NSMAF: variants seen among roughly 807,000 people sequenced by gnomAD.
The protein encoded by NSMAF is protein FAN.
Under a neutral mutation model 134.9 loss-of-function variants are expected in NSMAF, and 90 were observed. The observed-to-expected ratio is 0.67, with a 90% CI of 0.56 to 0.79. The LOEUF (loss-of-function observed/expected upper bound fraction) is 0.79. Ranked by LOEUF, NSMAF falls within the 30% of genes least tolerant of loss-of-function variation. The probability of loss-of-function intolerance (pLI) is 0.00; values close to 1 mark genes in which losing one functional copy is unlikely to be tolerated. For synonymous variants in NSMAF, 358 were observed against 389.6 expected (o/e 0.92, Z 0.96); for missense variants, 1,010 against 1,119.0 (o/e 0.90, Z 1.39).
At position 58,599,238 on chromosome 8, in the gene NSMAF, G is replaced by A; in HGVS notation, c.1579C>T (p.His527Tyr). The A allele has an allele frequency of 6.2e-7, 1 of 1,612,752 alleles. No homozygotes were observed. The highest frequency in any genetic ancestry group is 8.5e-7 in the Non-Finnish European group (1 of 1,179,238). ...TTCAATGAATATTACATACCATTAT[G>A]GGCCCCAACTGCATCACTCCCTTTT... ...KQKGSDAVGA[H>Y]NVFHPLTYEG... The change falls in exon 19 of 31, where the codon CAT (histidine) becomes TAT (tyrosine). Residue 527 changes from histidine to tyrosine, a missense_variant. His to Tyr is a moderately conservative substitution (Grantham distance 83). Transcript: ENST00000038176.
intron 23 of NSMAF, among the ~76,000 whole-genome samples, chr8:58,592,841 C>T (rs775137765): frequency 4.0e-5 from 6 of 151,444 alleles, no homozygotes; most frequent in African/African-American, 1.5e-4. Context: ...GAGCCAAGAT[C>T]GTGCCATTGC....
chr8:58,654,995 C>T (rs917117895), intron 1 of NSMAF, among the ~76,000 whole-genome samples: 6 of 152,032 alleles, frequency 3.9e-5, no homozygotes, highest in South Asian at 4.2e-4. Flanking sequence ...CCACCACACC[C>T]GGCTAGTTTT....
rs767295419 is a variant in NSMAF at position 58,597,474 on chromosome 8, C to T, written c.1705G>A (p.Val569Met). 3.8e-5 allele frequency: 62 copies of T among 1,614,018 alleles called. No individual in the cohort carries two copies. Among genetic ancestry groups the T allele is most frequent in the Non-Finnish European group, 5.1e-5 (60 of 1,179,994 alleles). Reference protein sequence around the residue: ...EFGQTPKQLFVTPHPRRITPK... With the variant: ...EFGQTPKQLFMTPHPRRITPK... ...GTGATCCTTCGAGGATGTGGTGTCA[C>T]AAATAGTTGTTTTGGTGTCTGCCCA... The change falls in exon 21 of 31, where the codon GTG (valine) becomes ATG (methionine). Residue 569 changes from valine to methionine, a missense_variant. Coordinates refer to ENST00000038176, the MANE Select transcript of NSMAF (RefSeq NM_003580.4).
intron 14 of NSMAF, 42 bp from the exon 15 acceptor site, chr8:58,601,577 C>A: frequency 1.3e-6 from 2 of 1,552,152 alleles, no homozygotes; most frequent in Non-Finnish European, 8.6e-7. Context: ...TAAGTGTTGG[C>A]TATGAAATAA....
intron 1 of NSMAF, among the ~76,000 whole-genome samples, chr8:58,646,215 A>C (rs559851003): frequency 1.3e-5 from 2 of 152,364 alleles, no homozygotes; most frequent in South Asian, 4.1e-4. Context: ...GCCAGAGTGC[A>C]AAACAAAATG....
At position 58,655,723 on chromosome 8, in the gene NSMAF, C is replaced by T. The variant is rs531993588; in HGVS notation, c.59+3850G>A. ...GAGATCGAGACCATCCTGGCTAACA[C>T]GGTGAAACTCCGTCTCTACTAAAAA... On this transcript the variant is annotated intron_variant, in intron 1 of 30. Transcript: ENST00000038176. 7.2e-5 allele frequency among the ~76,000 whole-genome samples: 11 copies of T among 151,840 alleles called. 1 individual carries two copies. Among genetic ancestry groups the T allele is most frequent in the Admixed American group, 4.6e-4 (7 of 15,274 alleles).
intron 1 of NSMAF, chr8:58,659,304 G>T (rs201696180): frequency 1.3e-6 from 2 of 1,525,536 alleles, no homozygotes; most frequent in East Asian, 2.6e-5. Context: ...CGGATAGCTC[G>T]GCATGCCTCG....
At chr8:58,652,305 C>T (rs1051912867) in intron 1 of NSMAF, among the ~76,000 whole-genome samples, 3 of 152,156 alleles carry the variant, frequency 2.0e-5, no homozygotes, top group Admixed American at 6.5e-5. Context: ...GAGAAGGTGG[C>T]CTCCTGCAAA....
In NSMAF at chr8:58,632,921, C is replaced by T. The variant is rs561039344; in HGVS notation, c.334-1375G>A. 2.0e-5 allele frequency among the ~76,000 whole-genome samples: 3 copies of T among 152,300 alleles called. No homozygotes were observed. In the East Asian group the frequency reaches 5.8e-4, roughly 29 times the overall value. On this transcript the variant is annotated intron_variant, in intron 5 of 30. Transcript: ENST00000038176. ...GACTGTTCCCTTTTATACCCTGCGA[C>T]CAATCCGTCAGCACATCTGTTGGGT...
intron 11 of NSMAF, among the ~76,000 whole-genome samples, chr8:58,607,169 C>G (rs569464428): frequency 1.3e-3 from 205 of 152,236 alleles, no homozygotes; most frequent in African/African-American, 4.5e-3. Context: ...CTATTGGTGT[C>G]GAATTAAAAC....
chr8:58,600,621 C>CAAAAAAA (rs35209612), intron 16 of NSMAF, among the ~76,000 whole-genome samples: 21 of 44,684 alleles, frequency 4.7e-4, no homozygotes, highest in African/African-American at 1.4e-3. Flanking sequence ...GACTCTGTCT[C>CAAAAAAA]AAAAAAAAAA....
At chr8:58,654,441 T>G (rs1435716542) in intron 1 of NSMAF, among the ~76,000 whole-genome samples, 1 of 152,096 alleles carries the variant, frequency 6.6e-6, no homozygotes, top group Non-Finnish European at 1.5e-5. Flanking sequence ...TCTCAGCTAC[T>G]TGGGAGGCTG....
At chr8:58,609,801 G>A in intron 9 of NSMAF, 68 bp from the exon 10 acceptor site, 1 of 1,469,148 alleles carries the variant, frequency 6.8e-7, no homozygotes, top group South Asian at 1.2e-5. Flanking sequence ...GTTTATCTAA[G>A]GGAGCTACAG....
At position 58,583,679 on chromosome 8, in the gene NSMAF, G is replaced by A. The variant is rs1187718578; in HGVS notation, c.*427C>T. On this transcript the variant is annotated 3_prime_UTR_variant, in exon 31 of 31. Transcript: ENST00000038176. Reference sequence around the variant, plus strand: ...CTATGAAAACACACACCCAAAACCCGATGGGTGGCAATTGTGATAGATTAG... The same window carrying A: ...CTATGAAAACACACACCCAAAACCCAATGGGTGGCAATTGTGATAGATTAG... The A allele has an allele frequency of 2.3e-5, 5 of 219,198 alleles. No homozygotes were observed. Among genetic ancestry groups the A allele is most frequent in the South Asian group, 6.2e-5 (1 of 16,086 alleles). 13.6% of individuals were successfully genotyped at this position (219,198 alleles called of 1,614,324 possible). A position where few individuals can be genotyped will look rare whatever the true frequency, so the allele number is the denominator to read the frequency against.
Position 58,599,355 on chromosome 8 carries a change from C to G in NSMAF, c.1462G>C (p.Asp488His), listed in dbSNP as rs1806220177. ...GCATCTTTGCTCTTCTGGAGAAAGT[C>G]CTCGGGACCTATTAGATTAGACTCA... is the stretch of plus-strand genomic sequence containing the variant. Reference protein sequence around the residue: ...ELPPWASSPEDFLQKSKDALE... With the variant: ...ELPPWASSPEHFLQKSKDALE... Residue 488 changes from aspartate to histidine, a missense_variant, in exon 19 of 31, where the codon GAC becomes CAC. Coordinates refer to ENST00000038176, the MANE Select transcript of NSMAF (RefSeq NM_003580.4). 6.2e-7 allele frequency: 1 copy of G among 1,613,774 alleles called. No individual in the cohort carries two copies. The highest frequency in any genetic ancestry group is 1.3e-5 in the African/African-American group (1 of 75,014).
intron 4 of NSMAF, 36 bp from the exon 5 acceptor site, chr8:58,635,261 C>A: frequency 1.2e-6 from 2 of 1,607,980 alleles, no homozygotes; most frequent in Non-Finnish European, 1.7e-6. Context: ...ATATATACAG[C>A]TTTTTGGTTG....
chr8:58,657,313 C>T (rs1171797432), intron 1 of NSMAF, among the ~76,000 whole-genome samples: 1 of 152,176 alleles, frequency 6.6e-6, no homozygotes, highest in Non-Finnish European at 1.5e-5. Context: ...TCTAAAATCC[C>T]TTAATTAGCA....
chr8:58,654,025 T>C (rs1452949016), intron 1 of NSMAF, among the ~76,000 whole-genome samples: 1 of 152,196 alleles, frequency 6.6e-6, no homozygotes, highest in African/African-American at 2.4e-5. Context: ...CTCCCGCTGT[T>C]TTTCATGTGA....
rs550905664 is a variant in NSMAF at position 58,598,364 on chromosome 8, A to C, written c.1586-462T>G. ...ATTTTCTGTTAAATTAAAAAAAAAA[A>C]CTCTGGCAGCTACTTGGGAGGCTGA... On this transcript the variant is annotated intron_variant, in intron 19 of 30. Transcript: ENST00000038176. Among the ~76,000 whole-genome samples the C allele has an allele frequency of 9.9e-5, 15 of 151,338 alleles. No individual in the cohort carries two copies. The South Asian group carries it at 3.1e-3, about 32-fold the overall frequency.
Sources: gnomAD v4.1 joint callset for allele counts (sites outside exome capture counted in the v4.1 genomes callset) on GRCh38, gnomAD v4.1.1 for gene constraint, MANE v1.5 for transcripts, NCBI Gene and HGNC (gene_info 2026-07-23, HGNC 2026-07-21) for gene names.